Variants in XPO5 observed in about 807,000 individuals in gnomAD.
The protein encoded by XPO5 is exportin 5.
XPO5 carries 46 observed loss-of-function variants against 160.6 expected under a neutral mutation model. That is an observed-to-expected ratio of 0.29 (90% confidence interval 0.23 to 0.37). The LOEUF is 0.37. Among genes scored for constraint, XPO5 ranks in the 10% least tolerant of loss-of-function variants. The probability of loss-of-function intolerance (pLI) is 1.00; values close to 1 mark genes in which losing one functional copy is unlikely to be tolerated. For missense variants in XPO5, 1,090 were observed against 1,463.9 expected (o/e 0.74, Z 4.17); for synonymous variants, 537 against 519.3 (o/e 1.03, Z -0.46).
At chr6:43,541,209 T>C (rs761712564) in intron 20 of XPO5, among the ~76,000 whole-genome samples, 16 of 152,190 alleles carry the variant, frequency 1.1e-4, no homozygotes, top group East Asian at 1.9e-4. Context: ...AGGGTGACTA[T>C]AGTCAATAAT....
chr6:43,530,665 T>C, intron 23 of XPO5, 23 bp downstream of exon 23: 1 of 1,610,300 alleles, frequency 6.2e-7, no homozygotes, highest in Non-Finnish European at 8.5e-7. Context: ...TTTTGGGTTA[T>C]GTAGAGACTT....
In XPO5 at chr6:43,526,700, G is replaced by C. The variant is rs926578929; in HGVS notation, c.2968C>G (p.Pro990Ala). ...KKGADHSSAP[P>A]ADGDDEEMMA... ...GCTCACTTACCGTCTCCATCTGCTG[G>C]GGGAGCACTACTGTGGTCAGCACCC... The change falls in exon 27 of 32, where the codon CCA (proline) becomes GCA (alanine). Residue 990 changes from proline to alanine, a missense_variant. Transcript: ENST00000265351. 1 of 1,613,922 alleles carries C rather than the reference G, an allele frequency of 6.2e-7. No individual in the cohort carries two copies.
Position 43,551,288 on chromosome 6 carries a change from G to C in XPO5, c.1728+10C>G. On this transcript the variant is annotated intron_variant, in intron 15 of 31. Transcript: ENST00000265351. ...CAAAATAAAATTTACAAAGGAGATG[G>C]GCTTTATACCTTAGAGAAGACCTGG... is the stretch of plus-strand genomic sequence containing the variant. 1 of 1,574,886 alleles carries C rather than the reference G, an allele frequency of 6.3e-7. No homozygotes were observed. Among genetic ancestry groups the C allele is most frequent in the Non-Finnish European group, 8.6e-7 (1 of 1,166,906 alleles).
chr6:43,522,724 G>T lies in XPO5; in HGVS notation c.*1144C>A. The T allele has an allele frequency of 2.0e-6, 1 of 500,856 alleles. No homozygotes were observed. The highest frequency in any genetic ancestry group is 4.2e-6 in the Non-Finnish European group (1 of 240,154). The allele number at this position is 500,856 out of a possible 1,614,324, so 31.0% of individuals were successfully genotyped here. A position where few individuals can be genotyped will look rare whatever the true frequency, so the allele number is the denominator to read the frequency against. On this transcript the variant is annotated 3_prime_UTR_variant, in exon 32 of 32. Coordinates refer to ENST00000265351, the MANE Select transcript of XPO5 (RefSeq NM_020750.3). ...TCTCGGGGAAACCCTCTTGTCAGTG[G>T]ACTGGATGGACAACAGGTCTGTTTT... is the stretch of plus-strand genomic sequence containing the variant.
chr6:43,539,547 C>A (rs1005059479), intron 20 of XPO5: 13 of 1,391,458 alleles, frequency 9.3e-6, no homozygotes, highest in Admixed American at 1.7e-5. Context: ...TTGGCCTTGC[C>A]TCCGCGAGCT....
At chr6:43,525,074 T>G (rs1471838119) in intron 29 of XPO5, 33 bp downstream of exon 29, 1 of 1,571,404 alleles carries the variant, frequency 6.4e-7, no homozygotes, top group Non-Finnish European at 8.6e-7. Flanking sequence ...AAACCTTCCA[T>G]GAGGGGCAGG....
intron 21 of XPO5, 45 bp from the exon 22 acceptor site, chr6:43,531,620 A>T (rs762205185): frequency 1.3e-6 from 2 of 1,538,536 alleles, no homozygotes; most frequent in African/African-American, 2.7e-5. Flanking sequence ...CACTGTCAGG[A>T]GTCTCAATTG....
intron 27 of XPO5, chr6:43,526,368 TAC>T (rs1416526323): frequency 6.8e-6 from 3 of 442,270 alleles, no homozygotes; most frequent in Non-Finnish European, 8.3e-6. Flanking sequence ...AGCAGAGGAA[TAC>T]AGAGTAGCTG....
In XPO5 at chr6:43,560,952, A is replaced by T; in HGVS notation, c.1067T>A (p.Phe356Tyr). The change falls in exon 10 of 32, where the codon TTT becomes TAT. Residue 356 changes from phenylalanine (F) to tyrosine (Y), a missense_variant. Around this residue, in one of 3 missense-constraint regions of XPO5, gnomAD observed 810 missense variants for 1,139.0 expected, o/e 0.71. Coordinates refer to ENST00000265351, the MANE Select transcript of XPO5 (RefSeq NM_020750.3). ...ACTTGGATGGGTTGTGAAAGCAAGA[A>T]AAGATTCCAGGTATTTTCCAAAGTT... ...PSNFGKYLES[F>Y]LAFTTHPSQF... The T allele has an allele frequency of 1.2e-6, 2 of 1,613,982 alleles. No homozygotes were observed. Among genetic ancestry groups the T allele is most frequent in the Non-Finnish European group, 1.7e-6 (2 of 1,179,872 alleles).
At chr6:43,561,779 C>T (rs1214823893) in intron 9 of XPO5, 1 of 153,906 alleles carries the variant, frequency 6.5e-6, no homozygotes, top group African/African-American at 2.4e-5. Context: ...AATGTCCTAT[C>T]TTCCAACTTA....
rs779637378 is a variant in XPO5, at chr6:43,528,879, A to G, written c.2724T>C (p.Tyr908=). The change falls in exon 24 of 32, where the codon TAT becomes TAC. Residue 908 remains tyrosine, a synonymous_variant. Transcript: ENST00000265351. ...CGAGGATGGGGGATACCAGGGCTTC[A>G]TAGTGCTCTGGGGGACAGAAGAGCA... is the stretch of plus-strand genomic sequence containing the variant. The part of the protein sequence containing the change: ...PLVLFCPPEH[Y]EALVSPILGP... 6.1e-5 allele frequency: 98 copies of G among 1,613,842 alleles called. No individual in the cohort carries two copies. The highest frequency in any genetic ancestry group is 8.3e-5 in the Non-Finnish European group (98 of 1,179,888).
chr6:43,563,742 T>TA (rs1280203724), intron 8 of XPO5, among the ~76,000 whole-genome samples: 2 of 152,018 alleles, frequency 1.3e-5, no homozygotes, highest in Non-Finnish European at 2.9e-5. Context: ...AAAGGTACAG[T>TA]AAAAATATGG....
intron 1 of XPO5, among the ~76,000 whole-genome samples, chr6:43,574,591 GA>G (rs1422075160): frequency 6.6e-6 from 1 of 151,680 alleles, no homozygotes; most frequent in Non-Finnish European, 1.5e-5. Flanking sequence ...ACTAGTGTTG[GA>G]AAAAAATGGA....
intron 28 of XPO5, 97 bp downstream of exon 28, chr6:43,525,742 T>C (rs1793543525): frequency 2.3e-6 from 3 of 1,289,556 alleles, no homozygotes; most frequent in Non-Finnish European, 3.2e-6. Flanking sequence ...AAAGGAGTAT[T>C]ACAAAAAACT....
Position 43,558,623 on chromosome 6 carries a change from TG to T in XPO5, c.1222-33del, listed in dbSNP as rs1334274778. The T allele has an allele frequency of 3.3e-6, 5 of 1,514,064 alleles. No individual in the cohort carries two copies. The East Asian group carries it at 1.2e-4, about 36-fold the overall frequency. 93.8% of individuals were successfully genotyped at this position (1,514,064 alleles called of 1,614,324 possible). A position where few individuals can be genotyped will look rare whatever the true frequency, so the allele number is the denominator to read the frequency against. ...AAAGAAAGGTAATTGGGGTAGGGGA[TG>T]AAAGTGGACCCACTGAAAGAGTTTT... On this transcript the variant is annotated intron_variant, in intron 11 of 31. Coordinates refer to ENST00000265351, the MANE Select transcript of XPO5 (RefSeq NM_020750.3).
Position 43,570,898 on chromosome 6 carries a change from G to A in XPO5, c.397C>T (p.Pro133Ser). 1.2e-6 allele frequency: 2 copies of A among 1,613,224 alleles called. No homozygotes were observed. The highest frequency in any genetic ancestry group is 1.7e-6 in the Non-Finnish European group (2 of 1,179,676). Residue 133 changes from proline to serine, a missense_variant, in exon 4 of 32, where the codon CCT becomes TCT. Transcript: ENST00000265351. ...GTGTCCAATTCTATTAGCATGTCAG[G>A]CCAATGCTGTGGCCACTCTCGCTTG... is the stretch of plus-strand genomic sequence containing the variant. ...MIKREWPQHW[P>S]DMLIELDTLS...
At chr6:43,526,052 A>G (rs1407863049) in intron 27 of XPO5, 131 bp from the exon 28 acceptor site, 1 of 920,362 alleles carries the variant, frequency 1.1e-6, no homozygotes, top group Non-Finnish European at 1.7e-6. Flanking sequence ...TAGTACTAGG[A>G]GCCCTCCCAC....
In XPO5 at chr6:43,570,970, C is replaced by A; in HGVS notation, c.325G>T (p.Glu109Ter). The A allele has an allele frequency of 6.2e-7, 1 of 1,612,654 alleles. No homozygotes were observed. The highest frequency in any genetic ancestry group is 8.5e-7 in the Non-Finnish European group (1 of 1,179,496). ...GACAGAGCATCTTTAATATGGTTCT[C>A]CTCTTCCAAAATGTTCAATGTTCCC... is the stretch of plus-strand genomic sequence containing the variant. ...ANGTLNILEE[E>*]NHIKDALSRI... is the part of the protein sequence containing the mutation. Residue 109 changes from glutamate to a stop codon, truncating the protein, a stop_gained, in exon 4 of 32, where the codon GAG becomes TAG. Coordinates refer to ENST00000265351, the MANE Select transcript of XPO5 (RefSeq NM_020750.3). LOFTEE classifies it high-confidence loss of function.
At position 43,576,015 on chromosome 6, in the gene XPO5, T is replaced by G. The variant is rs55981198; in HGVS notation, c.-151A>C. ...GAGGAGCGTTAGCAGCAACTCGCGC[T>G]GGGAAGAAGCCGGCGCTGCGCACGC... is the stretch of plus-strand genomic sequence containing the variant. On this transcript the variant is annotated 5_prime_UTR_variant, in exon 1 of 32. Transcript: ENST00000265351. The G allele has an allele frequency of 3.1e-6, 2 of 649,746 alleles. No individual in the cohort carries two copies. Among genetic ancestry groups the G allele is most frequent in the South Asian group, 4.0e-5 (2 of 50,538 alleles). 40.2% of individuals were successfully genotyped at this position (649,746 alleles called of 1,614,324 possible).
Sources: gnomAD v4.1 joint callset for allele counts (sites outside exome capture counted in the v4.1 genomes callset) on GRCh38, gnomAD v4.1.1 for gene constraint, gnomAD v4.1.1 regional missense constraint, MANE v1.5 for transcripts, NCBI Gene and HGNC (gene_info 2026-07-23, HGNC 2026-07-21) for gene names.